ATP8A2: variants seen among roughly 807,000 people sequenced by gnomAD.
The protein encoded by ATP8A2 is ATPase phospholipid transporting 8A2.
A neutral mutation model predicts 165.6 loss-of-function variants in ATP8A2; 100 were observed. The observed-to-expected ratio is 0.60, with a 90% CI of 0.51 to 0.71. The LOEUF (loss-of-function observed/expected upper bound fraction) is 0.71, where lower values mean the gene tolerates loss of function less well. Among genes scored for constraint, ATP8A2 ranks in the 30% least tolerant of loss-of-function variants. The pLI is 0.00. For synonymous variants in ATP8A2, 543 were observed against 548.8 expected (o/e 0.99, Z 0.15); for missense variants, 1,227 against 1,479.5 (o/e 0.83, Z 2.80).
intron 15 of ATP8A2, among the ~76,000 whole-genome samples, chr13:25,561,161 A>G (rs987114444): frequency 1.3e-5 from 2 of 152,030 alleles, no homozygotes; most frequent in Non-Finnish European, 2.9e-5. Context: ...AATTTTTTCC[A>G]TTATTTTGGA....
intron 35 of ATP8A2, among the ~76,000 whole-genome samples, chr13:25,972,837 C>T (rs968591389): frequency 2.6e-5 from 4 of 151,928 alleles, no homozygotes; most frequent in Admixed American, 6.6e-5. Context: ...AAACCGATGA[C>T]GGCGTGTAAG....
chr13:25,532,456 A>G, intron 5 of ATP8A2, 139 bp downstream of exon 5: 1 of 605,694 alleles, frequency 1.7e-6, no homozygotes. Flanking sequence ...TAGTAAAATA[A>G]CAAACAAACT....
rs139551225 is a variant in ATP8A2 at position 25,751,452 on chromosome 13, AT to A, written c.2385-17585del. Among the ~76,000 whole-genome samples, 629 of 151,512 alleles carry A rather than the reference AT, an allele frequency of 4.2e-3. 4 individuals are homozygous for A. The highest frequency in any genetic ancestry group is 0.015 in the African/African-American group (604 of 41,316). On this transcript the variant is annotated intron_variant, in intron 25 of 36. Transcript: ENST00000381655. ...TATTATTTATTTATTTTATTTTATG[AT>A]TTTTTTTTCTTTTAAGAGACAGGGT...
intron 2 of ATP8A2, among the ~76,000 whole-genome samples, chr13:25,513,000 G>A (rs2037311799): frequency 1.4e-5 from 2 of 139,956 alleles, no homozygotes; most frequent in Admixed American, 7.0e-5. Flanking sequence ...TGGCTGGCCG[G>A]GCGGGGGGCT....
At position 25,733,316 on chromosome 13, in the gene ATP8A2, T is replaced by G. The variant is rs145028580; in HGVS notation, c.2384+33971T>G. Reference sequence around the variant, plus strand: ...GAATAAGAGACGCTTATTGTAGGATTGGAAAACAGTGAAGGAAATAGAAAC... The same window carrying G: ...GAATAAGAGACGCTTATTGTAGGATGGGAAAACAGTGAAGGAAATAGAAAC... On this transcript the variant is annotated intron_variant, in intron 25 of 36. Transcript: ENST00000381655. Among the ~76,000 whole-genome samples, 312 of 152,258 alleles carry G rather than the reference T, an allele frequency of 2.0e-3. 3 individuals carry two copies. Among genetic ancestry groups the G allele is most frequent in the Admixed American group, 0.015 (235 of 15,290 alleles).
At chr13:25,651,493 A>T (rs1443263127) in intron 24 of ATP8A2, among the ~76,000 whole-genome samples, 3 of 152,038 alleles carry the variant, frequency 2.0e-5, no homozygotes, top group Non-Finnish European at 2.9e-5. Context: ...AGGCTGTTAT[A>T]GTAAGCTTTT....
chr13:25,947,871 G>A (rs1205004093), intron 33 of ATP8A2, among the ~76,000 whole-genome samples: 2 of 152,122 alleles, frequency 1.3e-5, no homozygotes, highest in African/African-American at 4.8e-5. Context: ...ATCAAAGAGC[G>A]ACATCTGAGT....
chr13:25,809,379 T>A (rs1021576434), intron 27 of ATP8A2, among the ~76,000 whole-genome samples: 1 of 152,144 alleles, frequency 6.6e-6, no homozygotes, highest in African/African-American at 2.4e-5. Flanking sequence ...AATGAAAATC[T>A]ATATTGCTTT....
chr13:25,527,740 C>G (rs1414745485), intron 2 of ATP8A2, among the ~76,000 whole-genome samples: 1 of 152,168 alleles, frequency 6.6e-6, no homozygotes, highest in East Asian at 1.9e-4. Context: ...TTCCTTTCCT[C>G]CTCAACTCTC....
intron 25 of ATP8A2, among the ~76,000 whole-genome samples, chr13:25,713,798 C>A (rs533546284): frequency 2.5e-5 from 2 of 81,622 alleles, no homozygotes; most frequent in African/African-American, 5.8e-5. Context: ...GGGGAGCTAG[C>A]AGCTCCCCAG....
Position 25,835,001 on chromosome 13 carries a change from TG to T in ATP8A2, c.2755-2161del, listed in dbSNP as rs566552765. 9.0e-4 allele frequency among the ~76,000 whole-genome samples: 136 copies of T among 151,598 alleles called. 1 individual carries two copies. Among genetic ancestry groups the T allele is most frequent in the African/African-American group, 3.0e-3 (122 of 41,314 alleles). Reference sequence around the variant, plus strand: ...TCCCTAACGTGTGTGTGTGTGTGTGTGTAGTATGGTATAGGCAGAGTGGAAA... The same window carrying T: ...TCCCTAACGTGTGTGTGTGTGTGTGTTAGTATGGTATAGGCAGAGTGGAAA... On this transcript the variant is annotated intron_variant, in intron 28 of 36. Coordinates refer to ENST00000381655, the MANE Select transcript of ATP8A2 (RefSeq NM_016529.6).
At chr13:25,657,459 G>A (rs1384708954) in intron 24 of ATP8A2, among the ~76,000 whole-genome samples, 2 of 152,200 alleles carry the variant, frequency 1.3e-5, no homozygotes, top group Non-Finnish European at 1.5e-5. Context: ...GATGGGGACT[G>A]TCACCAGCAG....
intron 33 of ATP8A2, among the ~76,000 whole-genome samples, chr13:25,904,031 A>C (rs1953851644): frequency 6.6e-6 from 1 of 152,214 alleles, no homozygotes; most frequent in African/African-American, 2.4e-5. Context: ...AATACTTGGA[A>C]TCACTGGTGT....
At chr13:25,888,513 T>C (rs1953243275) in intron 33 of ATP8A2, among the ~76,000 whole-genome samples, 1 of 152,196 alleles carries the variant, frequency 6.6e-6, no homozygotes, top group Admixed American at 6.5e-5. Flanking sequence ...GCTTGGAATA[T>C]ACAATGTGCT....
At chr13:25,493,144 A>C (rs1364510811) in intron 2 of ATP8A2, among the ~76,000 whole-genome samples, 1 of 152,092 alleles carries the variant, frequency 6.6e-6, no homozygotes, top group Non-Finnish European at 1.5e-5. Flanking sequence ...ACATGTTTTC[A>C]TGTAAAACAT....
chr13:25,619,044 A>AT (rs548873926), intron 24 of ATP8A2, among the ~76,000 whole-genome samples: 28 of 152,162 alleles, frequency 1.8e-4, no homozygotes, highest in Middle Eastern at 3.4e-3. Context: ...TTAAAAATAC[A>AT]TTTTTTTCTA....
chr13:25,449,132 C>T (rs2035145532), intron 1 of ATP8A2, among the ~76,000 whole-genome samples: 1 of 152,000 alleles, frequency 6.6e-6, no homozygotes, highest in Non-Finnish European at 1.5e-5. Flanking sequence ...TATTGGCTTC[C>T]CTTCTCATCT....
At chr13:25,467,613 C>T (rs1007125853) in intron 1 of ATP8A2, among the ~76,000 whole-genome samples, 2 of 150,826 alleles carry the variant, frequency 1.3e-5, no homozygotes, top group African/African-American at 4.9e-5. Flanking sequence ...TGCAGTGGCG[C>T]GATCTCAGCT....
At chr13:25,465,719 C>CTTTCTTTCTTTCT (rs1566153365) in intron 1 of ATP8A2, among the ~76,000 whole-genome samples, 5 of 40,300 alleles carry the variant, frequency 1.2e-4, no homozygotes, top group East Asian at 5.9e-4. Context: ...TTCTTTCTTT[C>CTTTCTTTCTTTCT]TTTCTTTCTT....
Sources: allele counts gnomAD v4.1 joint callset (sites outside exome capture counted in the v4.1 genomes callset), GRCh38; gene constraint gnomAD v4.1.1; transcripts MANE v1.5; gene names NCBI Gene and HGNC (gene_info 2026-07-23, HGNC 2026-07-21).